The following RAD51D variants were observed in gnomAD, a reference collection of about 807,000 sequenced individuals.
RAD51D encodes the protein DNA repair protein RAD51 homolog 4.
A neutral mutation model predicts 44.1 loss-of-function variants in RAD51D; 38 were observed. The observed-to-expected ratio is 0.86, with a 90% CI of 0.67 to 1.13. The LOEUF (loss-of-function observed/expected upper bound fraction) is 1.13, where lower values mean the gene tolerates loss of function less well. RAD51D is among the 50% of genes most tolerant of loss of function. The probability of loss-of-function intolerance (pLI) is 0.00; values close to 1 mark genes in which losing one functional copy is unlikely to be tolerated. For synonymous variants in RAD51D, 141 were observed against 166.6 expected, an observed-to-expected ratio of 0.85 and a Z score of 1.18; for missense variants, 390 against 414.0, an observed-to-expected ratio of 0.94 and a Z score of 0.50.
chr17:35,103,512 C>G lies in RAD51D; in HGVS notation c.609G>C (p.Val203=), dbSNP rs876660256. The G allele has an allele frequency of 3.1e-6, 5 of 1,614,220 alleles. No individual in the cohort carries two copies. Among genetic ancestry groups the G allele is most frequent in the Non-Finnish European group, 4.2e-6 (5 of 1,180,036 alleles). Reference sequence around the variant, plus strand: ...CCACCGCAGTGACCGAGTCCACAACCACCACCTTCACAGTTCCTGAAGAAC... The same window carrying G: ...CCACCGCAGTGACCGAGTCCACAACGACCACCTTCACAGTTCCTGAAGAAC... The part of the protein sequence containing the change: ...VTGSSGTVKV[V]VVDSVTAVVS... The change falls in exon 7 of 10, where the codon GTG becomes GTC. Residue 203 remains valine, a synonymous_variant. Transcript: ENST00000345365. The surrounding 1 kb of genome is among the most constrained non-coding windows in gnomAD (Gnocchi z 4.1).
In RAD51D at chr17:35,100,524, C is replaced by G. The variant is rs774305718; in HGVS notation, c.*429G>C. Reference sequence around the variant, plus strand: ...CATCTAACAAATGGAAAGGCAGAGACAAAAGAAAAAAAAGGCAGCAGCAGC... The same window carrying G: ...CATCTAACAAATGGAAAGGCAGAGAGAAAAGAAAAAAAAGGCAGCAGCAGC... On this transcript the variant is annotated 3_prime_UTR_variant, in exon 10 of 10. Coordinates refer to ENST00000345365, the MANE Select transcript of RAD51D (RefSeq NM_002878.4). The G allele has an allele frequency of 9.5e-5, 51 of 536,190 alleles. No individual in the cohort carries two copies. Among genetic ancestry groups the G allele is most frequent in the South Asian group, 6.0e-4 (39 of 64,936 alleles). 33.2% of individuals were successfully genotyped at this position (536,190 alleles called of 1,614,324 possible). A position where few individuals can be genotyped will look rare whatever the true frequency, so the allele number is the denominator to read the frequency against.
rs1812363056 is a variant in RAD51D at position 35,099,782 on chromosome 17, A to G, written c.*1171T>C. Reference sequence around the variant, plus strand: ...CTTTAAAAGATGTGGCCAGTAACCAATCCTGATCATTTCTGTACTTTTCCT... The same window carrying G: ...CTTTAAAAGATGTGGCCAGTAACCAGTCCTGATCATTTCTGTACTTTTCCT... On this transcript the variant is annotated 3_prime_UTR_variant, in exon 10 of 10. Coordinates refer to ENST00000345365, the MANE Select transcript of RAD51D (RefSeq NM_002878.4). 2.2e-6 allele frequency: 1 copy of G among 454,172 alleles called. No homozygotes were observed. Among genetic ancestry groups the G allele is most frequent in the Non-Finnish European group, 4.4e-6 (1 of 229,840 alleles). The allele number at this position is 454,172 out of a possible 1,614,324, so 28.1% of individuals were successfully genotyped here. A position where few individuals can be genotyped will look rare whatever the true frequency, so the allele number is the denominator to read the frequency against.
chr17:35,117,699 G>A (rs778899003), intron 3 of RAD51D, among the ~76,000 whole-genome samples: 5 of 152,026 alleles, frequency 3.3e-5, no homozygotes, highest in Non-Finnish European at 7.4e-5. Context: ...CATTTTGGGC[G>A]GGCAAGCAGG....
At position 35,119,623 on chromosome 17, in the gene RAD51D, A is replaced by C. The variant is rs746408351; in HGVS notation, c.-10T>G. The C allele has an allele frequency of 9.9e-6, 16 of 1,609,566 alleles. No individual in the cohort carries two copies. The highest frequency in any genetic ancestry group is 1.7e-6 in the Non-Finnish European group (2 of 1,179,922). ...CCCTGAGCACGCCCATGTTCCCCGC[A>C]GGCCGGAACAGCCCCAGGGGGACTG... On this transcript the variant is annotated 5_prime_UTR_variant, in exon 1 of 10. Transcript: ENST00000345365.
chr17:35,116,787 C>A, intron 3 of RAD51D: 1 of 1,247,980 alleles, frequency 8.0e-7, no homozygotes, highest in Non-Finnish European at 1.1e-6. Context: ...AGCCACTGCG[C>A]CCGGCCTAGA....
rs1441629295 is a variant in RAD51D, at chr17:35,103,408, G to C, written c.667+46C>G. The C allele has an allele frequency of 6.2e-7, 1 of 1,608,808 alleles. No homozygotes were observed. ...CAGAGACCAGACTCCAGAGCTGGGAGGCGAGGTCACATTCCACTGGCCCCA... is the reference window on the plus strand; with the variant it reads ...CAGAGACCAGACTCCAGAGCTGGGACGCGAGGTCACATTCCACTGGCCCCA... On this transcript the variant is annotated intron_variant, in intron 7 of 9. Transcript: ENST00000345365. This position sits in a 1 kb window ranked among gnomAD's most constrained non-coding sequence, Gnocchi z 4.1.
At chr17:35,101,084 T>C (rs2142409868) in intron 9 of RAD51D, 48 bp from the exon 10 acceptor site, 1 of 1,603,462 alleles carries the variant, frequency 6.2e-7, no homozygotes, top group Non-Finnish European at 8.5e-7. Flanking sequence ...CCCAAGTGGG[T>C]AGCTTCTTTA....
At chr17:35,107,157 C>G (rs2142434509) in intron 4 of RAD51D, 35 bp from the exon 5 acceptor site, 1 of 1,613,010 alleles carries the variant, frequency 6.2e-7, no homozygotes, top group Non-Finnish European at 8.5e-7. Flanking sequence ...CTTGACACTT[C>G]AGAGAGGGTC....
chr17:35,118,495 A>G lies in RAD51D; in HGVS notation c.263+6T>C. On this transcript the variant is annotated splice_donor_region_variant and intron_variant, in intron 3 of 9. Transcript: ENST00000345365. ...CTCTCCTTCTTCCCCAAGTACACAC[A>G]CAAACCTGCCAATGCCAGTGGACAG... 1 of 1,612,370 alleles carries G rather than the reference A, an allele frequency of 6.2e-7. No homozygotes were observed. Among genetic ancestry groups the G allele is most frequent in the Non-Finnish European group, 8.5e-7 (1 of 1,178,482 alleles).
At chr17:35,108,162 T>C (rs993325219) in intron 3 of RAD51D, among the ~76,000 whole-genome samples, 1 of 151,402 alleles carries the variant, frequency 6.6e-6, no homozygotes, top group African/African-American at 2.4e-5. Context: ...GGAGAATCGC[T>C]TGAACCCAGG....
intron 6 of RAD51D, chr17:35,104,771 T>C (rs1444979472): frequency 6.6e-6 from 1 of 152,198 alleles, no homozygotes; most frequent in Non-Finnish European, 1.5e-5. Context: ...TTTTTGATGC[T>C]TCTTTTCTCT....
At chr17:35,116,842 T>C (rs1056426106) in intron 3 of RAD51D, 3 of 1,499,854 alleles carry the variant, frequency 2.0e-6, no homozygotes, top group Non-Finnish European at 2.7e-6. Context: ...TTGTGACGAA[T>C]AAATGAAATA....
chr17:35,096,188 GT>G lies in RAD51D; in HGVS notation c.*4764del, dbSNP rs1298684515. ...CTTTAATTTTGTCTTTTAACACCTT[GT>G]TTTCTTAATTTTTATTATTTTATTT... On this transcript the variant is annotated 3_prime_UTR_variant, in exon 10 of 10. Transcript: ENST00000345365. 1 of 152,114 alleles carries G rather than the reference GT, an allele frequency of 6.6e-6. No individual in the cohort carries two copies. Among genetic ancestry groups the G allele is most frequent in the African/African-American group, 2.4e-5 (1 of 41,420 alleles). The allele number at this position is 152,114 out of a possible 1,614,324, so 9.4% of individuals were successfully genotyped here. A position where few individuals can be genotyped will look rare whatever the true frequency, so the allele number is the denominator to read the frequency against.
At chr17:35,107,294 C>T (rs991317350) in intron 4 of RAD51D, 72 bp downstream of exon 4, 2 of 1,468,576 alleles carry the variant, frequency 1.4e-6, no homozygotes, top group African/African-American at 2.8e-5. Context: ...GCTGAAGCTC[C>T]CCCAGGGACC....
chr17:35,112,300 T>C (rs1370997583), intron 3 of RAD51D, among the ~76,000 whole-genome samples: 5 of 151,698 alleles, frequency 3.3e-5, no homozygotes, highest in Admixed American at 3.3e-4. Context: ...ATGGTCTCGA[T>C]CTCCTGACCT....
intron 3 of RAD51D, among the ~76,000 whole-genome samples, chr17:35,115,924 GAAGGAAGGAAGGAAGA>G (rs1466666264): frequency 1.0e-5 from 1 of 97,474 alleles, no homozygotes. Flanking sequence ...AGGAAGGAAG[GAAGGAAGGAAGGAAGA>G]AAGAAAAGGA....
At chr17:35,106,290 T>C (rs1450900604) in intron 6 of RAD51D, 96 bp downstream of exon 6, 3 of 1,024,964 alleles carry the variant, frequency 2.9e-6, no homozygotes, top group South Asian at 1.3e-5. Flanking sequence ...AGATTGCACA[T>C]CTGCATTTCC....
chr17:35,102,013 G>A (rs957728365), intron 8 of RAD51D, among the ~76,000 whole-genome samples: 3 of 152,076 alleles, frequency 2.0e-5, no homozygotes, highest in South Asian at 2.1e-4. Context: ...TAACACCACC[G>A]AACTGTATAC....
rs559477802 is a variant in RAD51D, at chr17:35,116,783, T to C, written c.263+1718A>G. 3.6e-4 allele frequency: 439 copies of C among 1,203,890 alleles called. 1 individual carries two copies. The highest frequency in any genetic ancestry group is 9.3e-5 in the Non-Finnish European group (78 of 835,926). The allele number at this position is 1,203,890 out of a possible 1,614,324, so 74.6% of individuals were successfully genotyped here. On this transcript the variant is annotated intron_variant, in intron 3 of 9. Coordinates refer to ENST00000345365, the MANE Select transcript of RAD51D (RefSeq NM_002878.4). ...TGCTGTGATCACAGGCGTGAGCCAC[T>C]GCGCCCGGCCTAGAATGATGATTTA...
Sources: gnomAD v4.1 joint callset for allele counts (sites outside exome capture counted in the v4.1 genomes callset) on GRCh38, gnomAD v4.1.1 for gene constraint, Gnocchi (gnomAD v3.1) non-coding constraint, MANE v1.5 for transcripts, NCBI Gene and HGNC (gene_info 2026-07-23, HGNC 2026-07-21) for gene names.